The following HORMAD1 variants were observed in gnomAD, a reference collection of about 807,000 sequenced individuals.
HORMAD1 encodes HORMA domain containing 1, also known as HORMA domain-containing protein 1.
Under a neutral mutation model 58.2 loss-of-function variants are expected in HORMAD1, and 33 were observed. The observed-to-expected ratio is 0.57, with a 90% CI of 0.43 to 0.76. The LOEUF (loss-of-function observed/expected upper bound fraction) is 0.76. Among genes scored for constraint, HORMAD1 ranks in the 30% least tolerant of loss-of-function variants. HORMAD1 has a pLI of 0.00. For missense variants in HORMAD1, 363 were observed against 462.0 expected, an observed-to-expected ratio of 0.79 and a Z score of 1.96; for synonymous variants, 137 against 144.6, an observed-to-expected ratio of 0.95 and a Z score of 0.38.
chr1:150,699,885 A>G (rs1557793930), intron 14 of HORMAD1, among the ~76,000 whole-genome samples: 1 of 152,060 alleles, frequency 6.6e-6, no homozygotes, highest in Non-Finnish European at 1.5e-5. Context: ...TCATTCATGG[A>G]ATGAGACAGG....
At chr1:150,703,274 G>T in intron 13 of HORMAD1, 36 bp downstream of exon 13, 1 of 1,081,404 alleles carries the variant, frequency 9.2e-7, no homozygotes, top group Non-Finnish European at 1.4e-6. Context: ...AGAATTACAA[G>T]GTTACAATGG....
intron 10 of HORMAD1, among the ~76,000 whole-genome samples, chr1:150,706,160 G>T (rs1356296316): frequency 1.3e-5 from 2 of 152,114 alleles, no homozygotes; most frequent in African/African-American, 4.8e-5. Flanking sequence ...TTCAAGCACA[G>T]GCTACCTGAA....
At chr1:150,700,431 C>T (rs1028799632) in intron 13 of HORMAD1, among the ~76,000 whole-genome samples, 2 of 152,118 alleles carry the variant, frequency 1.3e-5, no homozygotes, top group Admixed American at 6.5e-5. Context: ...GAATGAGCTA[C>T]AGTGCCCAGC....
chr1:150,709,687 G>C (rs1396569235), intron 7 of HORMAD1, among the ~76,000 whole-genome samples: 1 of 152,010 alleles, frequency 6.6e-6, no homozygotes, highest in Non-Finnish European at 1.5e-5. Flanking sequence ...TCTTGCAGTT[G>C]AGATAGAGGA....
chr1:150,704,713 G>C lies in HORMAD1; in HGVS notation c.805-370C>G, dbSNP rs1248444141. ...ATCATCCCACTGCGCTCCAGCCTGGGAGACAGGACGAGACCCTGACTCAAA... is the reference window on the plus strand; with the variant it reads ...ATCATCCCACTGCGCTCCAGCCTGGCAGACAGGACGAGACCCTGACTCAAA... On this transcript the variant is annotated intron_variant, in intron 10 of 14. Coordinates refer to ENST00000361824, the MANE Select transcript of HORMAD1 (RefSeq NM_032132.5). Among the ~76,000 whole-genome samples, 3 of 152,056 alleles carry C rather than the reference G, an allele frequency of 2.0e-5. No homozygotes were observed. The South Asian group carries it at 6.2e-4, about 32-fold the overall frequency.
At position 150,711,830 on chromosome 1, in the gene HORMAD1, T is replaced by C. The variant is rs745507444; in HGVS notation, c.300+3A>G. 7 of 1,579,216 alleles carry C rather than the reference T, an allele frequency of 4.4e-6. No individual in the cohort carries two copies. In the East Asian group the frequency reaches 1.3e-4, roughly 30 times the overall value. On this transcript the variant is annotated splice_donor_region_variant and intron_variant, in intron 6 of 14. Coordinates refer to ENST00000361824, the MANE Select transcript of HORMAD1 (RefSeq NM_032132.5). ...AAAGAACACACAATTTAAAAATACTTACAGCTAGAACAACCATCCTTAGCT... is the reference window on the plus strand; with the variant it reads ...AAAGAACACACAATTTAAAAATACTCACAGCTAGAACAACCATCCTTAGCT...
rs1205422878 is a variant in HORMAD1 at position 150,714,115 on chromosome 1, T to A, written c.249A>T (p.Leu83=). 4 of 1,526,096 alleles carry A rather than the reference T, an allele frequency of 2.6e-6. No individual in the cohort carries two copies. The highest frequency in any genetic ancestry group is 3.6e-6 in the Non-Finnish European group (4 of 1,114,044). 94.5% of individuals were successfully genotyped at this position (1,526,096 alleles called of 1,614,324 possible). Residue 83 remains leucine, a synonymous_variant, in exon 5 of 15, where the codon CTA becomes CTT. Coordinates refer to ENST00000361824, the MANE Select transcript of HORMAD1 (RefSeq NM_032132.5). ...TTTTCTGTAAAGCATCATAACATCC[T>A]AGCATCCTAAAAAAAAAATCAAGGA... The part of the protein sequence containing the change: ...PGSTQLVKWM[L]GCYDALQKKY...
intron 3 of HORMAD1, among the ~76,000 whole-genome samples, chr1:150,716,352 G>A (rs1377709747): frequency 6.6e-6 from 1 of 151,400 alleles, no homozygotes; most frequent in African/African-American, 2.4e-5. Flanking sequence ...AGTAGAGACG[G>A]GGTTTCACCA....
intron 13 of HORMAD1, among the ~76,000 whole-genome samples, chr1:150,702,727 C>A (rs917956762): frequency 6.6e-5 from 10 of 152,062 alleles, no homozygotes; most frequent in Non-Finnish European, 1.2e-4. Context: ...GGGAACAATA[C>A]ACACTGGGGC....
intron 9 of HORMAD1, 106 bp from the exon 10 acceptor site, chr1:150,706,915 G>T: frequency 2.2e-6 from 2 of 920,728 alleles, no homozygotes; most frequent in Non-Finnish European, 3.1e-6. Context: ...AGTATATAAG[G>T]GCATAAGGTA....
chr1:150,703,386 T>C lies in HORMAD1; in HGVS notation c.956A>G (p.Gln319Arg), dbSNP rs1416908216. The change falls in exon 13 of 15, where the codon CAG (glutamine) becomes CGG (arginine). Residue 319 changes from glutamine (Q) to arginine (R), a missense_variant. Physicochemically the swap from Gln to Arg is conservative, Grantham distance 43 (BLOSUM62 1). Transcript: ENST00000361824. ...AAGTTCAGATGTTTTATTGACTAAC[T>C]GCTCAACCTAAAAAAGAAAATAATT... ...DLSISHSQVE[Q>R]LVNKTSELDM... 6.5e-7 allele frequency: 1 copy of C among 1,545,474 alleles called. No individual in the cohort carries two copies. The highest frequency in any genetic ancestry group is 2.3e-5 in the East Asian group (1 of 43,752).
intron 2 of HORMAD1, among the ~76,000 whole-genome samples, chr1:150,717,703 C>T (rs1037168505): frequency 3.9e-5 from 6 of 151,998 alleles, no homozygotes; most frequent in Admixed American, 6.6e-5. Context: ...GAGGCTGAGG[C>T]GGGTGGATCA....
intron 7 of HORMAD1, 25 bp downstream of exon 7, chr1:150,711,520 T>C: frequency 1.9e-6 from 3 of 1,541,470 alleles, no homozygotes; most frequent in South Asian, 2.2e-5. Context: ...GCATTATGTT[T>C]CTTTAGTAAC....
At chr1:150,714,944 C>T (rs1021565074) in intron 3 of HORMAD1, among the ~76,000 whole-genome samples, 2 of 151,858 alleles carry the variant, frequency 1.3e-5, no homozygotes, top group South Asian at 2.1e-4. Flanking sequence ...CCACCATGAC[C>T]GGCTAATTTT....
At chr1:150,709,629 C>G (rs897289861) in intron 7 of HORMAD1, among the ~76,000 whole-genome samples, 1 of 151,644 alleles carries the variant, frequency 6.6e-6, no homozygotes, top group African/African-American at 2.4e-5. Context: ...CCCAGCCCGA[C>G]ACCCATAAAA....
Position 150,711,833 on chromosome 1 carries a change from A to C in HORMAD1, c.300T>G (p.Ala100=), listed in dbSNP as rs200060142. 6.3e-7 allele frequency: 1 copy of C among 1,580,766 alleles called. No individual in the cohort carries two copies. Among genetic ancestry groups the C allele is most frequent in the Admixed American group, 1.7e-5 (1 of 58,932 alleles). ...GAACACACAATTTAAAAATACTTAC[A>C]GCTAGAACAACCATCCTTAGCTGAA... ...QKKYLRMVVL[A]VYTNPEDPQT... Residue 100 remains alanine (A), a splice_region_variant and synonymous_variant, in exon 6 of 15, where the codon GCT becomes GCG. Transcript: ENST00000361824.
chr1:150,702,180 C>T (rs1651555743), intron 13 of HORMAD1, among the ~76,000 whole-genome samples: 1 of 152,198 alleles, frequency 6.6e-6, no homozygotes, highest in African/African-American at 2.4e-5. Context: ...AAACACTCAA[C>T]ATCACTGATC....
intron 5 of HORMAD1, among the ~76,000 whole-genome samples, chr1:150,712,628 A>G (rs1651936169): frequency 6.6e-6 from 1 of 152,170 alleles, no homozygotes; most frequent in Non-Finnish European, 1.5e-5. Flanking sequence ...AGCTTACTGC[A>G]ATCTCCACCT....
intron 14 of HORMAD1, among the ~76,000 whole-genome samples, chr1:150,699,734 A>C (rs1348886194): frequency 1.3e-5 from 2 of 149,282 alleles, no homozygotes; most frequent in African/African-American, 2.5e-5. Context: ...GGGTTTCACC[A>C]TGTTGGCCAG....
Sources: gnomAD v4.1 joint callset for allele counts (sites outside exome capture counted in the v4.1 genomes callset) on GRCh38, gnomAD v4.1.1 for gene constraint, MANE v1.5 for transcripts, NCBI Gene and HGNC (gene_info 2026-07-23, HGNC 2026-07-21) for gene names.